Variants in PDHX observed in about 807,000 individuals in gnomAD.
The protein encoded by PDHX is pyruvate dehydrogenase protein X component, mitochondrial.
Under a neutral mutation model 55.3 loss-of-function variants are expected in PDHX, and 33 were observed. The observed-to-expected ratio is 0.60, with a 90% confidence interval of 0.45 to 0.80. PDHX has a LOEUF of 0.80. PDHX is among the 30% of genes least tolerant of loss of function. PDHX has a pLI of 0.00. For synonymous variants in PDHX, 226 were observed against 219.4 expected (o/e 1.03, Z -0.27); for missense variants, 622 against 619.9 (o/e 1.00, Z -0.04).
chr11:34,924,110 G>A (rs1853961424), intron 1 of PDHX, among the ~76,000 whole-genome samples: 1 of 152,182 alleles, frequency 6.6e-6, no homozygotes, highest in Non-Finnish European at 1.5e-5. Context: ...ATAGGATATT[G>A]TGATACATCT....
intron 3 of PDHX, 122 bp downstream of exon 3, chr11:34,947,728 T>C: frequency 1.4e-6 from 1 of 703,182 alleles, no homozygotes; most frequent in East Asian, 2.7e-5. Context: ...TACTACATAA[T>C]ACATTTTTAG....
chr11:34,960,664 T>G, intron 5 of PDHX, 146 bp downstream of exon 5: 1 of 583,072 alleles, frequency 1.7e-6, no homozygotes, highest in South Asian at 2.1e-5. Flanking sequence ...CTTTTATCAT[T>G]GTAAATTGTA....
chr11:34,970,064 A>T, intron 6 of PDHX, 75 bp from the exon 7 acceptor site: 1 of 1,253,978 alleles, frequency 8.0e-7, no homozygotes, highest in Non-Finnish European at 1.2e-6. Flanking sequence ...CTTTTCATTT[A>T]TAAAGTTGCT....
At chr11:34,966,604 G>A in intron 5 of PDHX, 36 bp from the exon 6 acceptor site, 1 of 1,601,066 alleles carries the variant, frequency 6.2e-7, no homozygotes, top group Non-Finnish European at 8.6e-7. Context: ...ATTCCTTATT[G>A]CTAATTATGG....
In PDHX at chr11:34,963,313, C is replaced by CT. The variant is rs552460867; in HGVS notation, c.641+2796dup. Among the ~76,000 whole-genome samples, 130 of 152,242 alleles carry CT rather than the reference C, an allele frequency of 8.5e-4. 3 individuals are homozygous for CT. In the South Asian group the frequency reaches 0.025, roughly 29 times the overall value. On this transcript the variant is annotated intron_variant, in intron 5 of 10. Coordinates refer to ENST00000227868, the MANE Select transcript of PDHX (RefSeq NM_003477.3). Reference sequence around the variant, plus strand: ...TTTAAGAGAGAGACAGGCTCTCACTCTGTCACCCAGGTTGGGGTGCTGTGG... The same window carrying CT: ...TTTAAGAGAGAGACAGGCTCTCACTCTTGTCACCCAGGTTGGGGTGCTGTGG...
chr11:34,957,568 T>C lies in PDHX; in HGVS notation c.527T>C (p.Ile176Thr). 1 of 1,612,992 alleles carries C rather than the reference T, an allele frequency of 6.2e-7. No individual in the cohort carries two copies. Among genetic ancestry groups the C allele is most frequent in the Non-Finnish European group, 8.5e-7 (1 of 1,179,246 alleles). The change falls in exon 4 of 11, where the codon ATA becomes ACA. Residue 176 changes from isoleucine (I) to threonine (T), a missense_variant. Transcript: ENST00000227868. ...QISIPVKKEHIPGTLRFRLSP... is the reference protein window; with the variant it reads ...QISIPVKKEHTPGTLRFRLSP... ...TCCATCCCTGTCAAGAAGGAACACA[T>C]ACCCGGGACACTACGGTGAGTATAT...
chr11:34,916,300 C>T (rs1277324786), upstream of PDHX: 2 of 1,611,198 alleles, frequency 1.2e-6, no homozygotes, highest in Admixed American at 3.3e-5. Flanking sequence ...AGACCAGGGA[C>T]CCGCGCGGCC....
At chr11:34,932,684 T>G (rs996038714) in intron 2 of PDHX, among the ~76,000 whole-genome samples, 1 of 152,154 alleles carries the variant, frequency 6.6e-6, no homozygotes, top group African/African-American at 2.4e-5. Flanking sequence ...TTTGGCACTA[T>G]TTAGAAAAAT....
chr11:34,925,794 T>C (rs1854004714), intron 1 of PDHX, among the ~76,000 whole-genome samples: 2 of 152,232 alleles, frequency 1.3e-5, no homozygotes, highest in South Asian at 4.1e-4. Flanking sequence ...TTTTGAGCAC[T>C]GACATGATGC....
intron 2 of PDHX, among the ~76,000 whole-genome samples, chr11:34,946,846 A>G (rs80119477): frequency 2.6e-5 from 4 of 152,138 alleles, no homozygotes; most frequent in African/African-American, 9.7e-5. Context: ...TTTAATCCCC[A>G]AAGGAAACTG....
chr11:34,991,351 C>A (rs1855754064), intron 9 of PDHX, among the ~76,000 whole-genome samples: 1 of 152,090 alleles, frequency 6.6e-6, no homozygotes. Context: ...AAACCGTGAA[C>A]CAAATTATAA....
At chr11:34,958,337 A>G (rs1484893870) in intron 4 of PDHX, among the ~76,000 whole-genome samples, 1 of 151,834 alleles carries the variant, frequency 6.6e-6, no homozygotes, top group Admixed American at 6.6e-5. Flanking sequence ...TTTTGATCTC[A>G]TTGTCCAGGC....
intron 7 of PDHX, among the ~76,000 whole-genome samples, chr11:34,970,492 A>G (rs1855234841): frequency 6.6e-6 from 1 of 152,222 alleles, no homozygotes; most frequent in Non-Finnish European, 1.5e-5. Flanking sequence ...GTTCCACAGT[A>G]TTAAATAAAT....
intron 7 of PDHX, among the ~76,000 whole-genome samples, chr11:34,970,537 T>C (rs189666357): frequency 3.3e-4 from 51 of 152,318 alleles, no homozygotes; most frequent in African/African-American, 1.2e-3. Context: ...AGCATTCTGT[T>C]CTACCTTGCT....
chr11:34,917,390 A>G (rs993133909), intron 1 of PDHX, among the ~76,000 whole-genome samples: 1 of 152,212 alleles, frequency 6.6e-6, no homozygotes, highest in African/African-American at 2.4e-5. Context: ...GAAAGAGCAA[A>G]CATTTAGGAG....
At position 34,978,148 on chromosome 11, in the gene PDHX, AT is replaced by A. The variant is rs748631357; in HGVS notation, c.993del (p.Phe331LeufsTer18). On this transcript the variant is annotated frameshift_variant, in exon 8 of 11. Transcript: ENST00000227868. LOFTEE classifies it high-confidence loss of function. Reference sequence around the variant, plus strand: ...GATGACATTAAAGTATCAGTAAATGATTTTATCATCAAGGCAGCAGCTGTTA... The same window carrying A: ...GATGACATTAAAGTATCAGTAAATGATTTATCATCAAGGCAGCAGCTGTTA... The part of the protein sequence containing the change: ...VKDDIKVSVN[D>X]FIIKAAAVTL... 2 of 1,571,648 alleles carry A rather than the reference AT, an allele frequency of 1.3e-6. No individual in the cohort carries two copies. Among genetic ancestry groups the A allele is most frequent in the South Asian group, 1.1e-5 (1 of 89,852 alleles).
intron 4 of PDHX, among the ~76,000 whole-genome samples, chr11:34,959,329 A>G (rs137936442): frequency 2.6e-4 from 40 of 152,296 alleles, no homozygotes; most frequent in East Asian, 1.5e-3. Context: ...GTTCACCGTC[A>G]CTAACCATTA....
chr11:34,919,368 T>C (rs1364563804), intron 1 of PDHX, among the ~76,000 whole-genome samples: 2 of 152,254 alleles, frequency 1.3e-5, no homozygotes, highest in Admixed American at 6.5e-5. Context: ...CTGTAAACTA[T>C]ATAAATTAAG....
intron 5 of PDHX, among the ~76,000 whole-genome samples, chr11:34,962,521 G>T (rs561025172): frequency 2.0e-5 from 3 of 152,324 alleles, no homozygotes; most frequent in African/African-American, 7.2e-5. Context: ...TAGAAGCCAT[G>T]TAGGTATTGG....
Sources: gnomAD v4.1 joint callset for allele counts (sites outside exome capture counted in the v4.1 genomes callset) on GRCh38, gnomAD v4.1.1 for gene constraint, MANE v1.5 for transcripts, NCBI Gene and HGNC (gene_info 2026-07-23, HGNC 2026-07-21) for gene names.